NMNAT2: variants seen among roughly 807,000 people sequenced by gnomAD.
The protein encoded by NMNAT2 is nicotinamide nucleotide adenylyltransferase 2.
In NMNAT2, 11 loss-of-function variants were observed where a neutral mutation model predicts 41.6. That is an observed-to-expected ratio of 0.26 (90% CI 0.17 to 0.44). The LOEUF (loss-of-function observed/expected upper bound fraction) is 0.44, where lower values mean the gene tolerates loss of function less well. Ranked by LOEUF, NMNAT2 falls within the 20% of genes least tolerant of loss-of-function variation. NMNAT2 has a pLI of 1.00. For synonymous variants in NMNAT2, 148 were observed against 151.2 expected, an observed-to-expected ratio of 0.98 and a Z score of 0.16; for missense variants, 288 against 407.7, an observed-to-expected ratio of 0.71 and a Z score of 2.53.
intron 1 of NMNAT2, among the ~76,000 whole-genome samples, chr1:183,398,764 A>G (rs185936639): frequency 0.013 from 1,982 of 152,306 alleles, 45 homozygotes; most frequent in African/African-American, 0.044. Context: ...AACTCACTCA[A>G]AACTGCTCAA....
At chr1:183,257,227 G>A (rs1660539673) in intron 10 of NMNAT2, among the ~76,000 whole-genome samples, 1 of 152,038 alleles carries the variant, frequency 6.6e-6, no homozygotes, top group Admixed American at 6.5e-5. Flanking sequence ...TGGATCACAA[G>A]CTCAGGAGTT....
At chr1:183,400,352 A>C (rs1648774434) in intron 1 of NMNAT2, among the ~76,000 whole-genome samples, 1 of 152,210 alleles carries the variant, frequency 6.6e-6, no homozygotes, top group African/African-American at 2.4e-5. Context: ...AATCCAACTT[A>C]CAAGGGACGT....
intron 1 of NMNAT2, among the ~76,000 whole-genome samples, chr1:183,334,738 G>A (rs1272842167): frequency 6.6e-6 from 1 of 151,796 alleles, no homozygotes; most frequent in African/African-American, 2.4e-5. Context: ...TCGAACTCCT[G>A]ACCTCAAGTG....
intron 1 of NMNAT2, among the ~76,000 whole-genome samples, chr1:183,396,711 G>C (rs147139406): frequency 6.6e-6 from 1 of 152,092 alleles, no homozygotes; most frequent in African/African-American, 2.4e-5. Context: ...CTGCACATTT[G>C]ATCTCTCAAG....
chr1:183,328,311 G>A (rs1329797140), intron 1 of NMNAT2, among the ~76,000 whole-genome samples: 1 of 152,180 alleles, frequency 6.6e-6, no homozygotes, highest in Non-Finnish European at 1.5e-5. Flanking sequence ...GATTGTTTTG[G>A]ACAGTCTGAA....
intron 1 of NMNAT2, among the ~76,000 whole-genome samples, chr1:183,324,875 A>G (rs539299761): frequency 6.6e-6 from 1 of 152,124 alleles, no homozygotes; most frequent in Admixed American, 6.5e-5. Flanking sequence ...CTTCATCACC[A>G]TTACATGCCT....
intron 1 of NMNAT2, among the ~76,000 whole-genome samples, chr1:183,375,698 C>T (rs997636729): frequency 2.6e-5 from 4 of 152,196 alleles, no homozygotes; most frequent in African/African-American, 9.7e-5. Context: ...GTTTCTTATA[C>T]CTTGGTGGCA....
chr1:183,340,425 C>A (rs1662771751), intron 1 of NMNAT2, among the ~76,000 whole-genome samples: 1 of 150,922 alleles, frequency 6.6e-6, no homozygotes, highest in African/African-American at 2.4e-5. Flanking sequence ...TGGGTTCAAG[C>A]AATTCTCCTG....
chr1:183,315,653 G>A (rs1347017845), intron 1 of NMNAT2, among the ~76,000 whole-genome samples: 3 of 151,898 alleles, frequency 2.0e-5, no homozygotes, highest in Non-Finnish European at 2.9e-5. Flanking sequence ...ATGGTCGTGG[G>A]CACCTATAAT....
intron 1 of NMNAT2, among the ~76,000 whole-genome samples, chr1:183,416,660 C>T (rs1402758351): frequency 6.6e-6 from 1 of 152,206 alleles, no homozygotes; most frequent in African/African-American, 2.4e-5. Context: ...GGCTATCTCT[C>T]AGCCTCCCTC....
At chr1:183,277,663 C>T (rs548958516) in intron 8 of NMNAT2, among the ~76,000 whole-genome samples, 1 of 152,200 alleles carries the variant, frequency 6.6e-6, no homozygotes, top group East Asian at 1.9e-4. Flanking sequence ...TGTACACGAA[C>T]ATATTTCATA....
At chr1:183,280,929 A>G (rs1046275837) in intron 7 of NMNAT2, among the ~76,000 whole-genome samples, 4 of 149,888 alleles carry the variant, frequency 2.7e-5, no homozygotes, top group African/African-American at 4.9e-5. Context: ...GGGATTACAG[A>G]CATGTGCCAC....
At chr1:183,269,273 T>C (rs1017528783) in intron 8 of NMNAT2, among the ~76,000 whole-genome samples, 1 of 152,182 alleles carries the variant, frequency 6.6e-6, no homozygotes, top group Middle Eastern at 3.2e-3. Flanking sequence ...TAGGCGGGAC[T>C]AGGACACACT....
At chr1:183,313,351 A>G (rs866259746) in intron 1 of NMNAT2, among the ~76,000 whole-genome samples, 3 of 152,232 alleles carry the variant, frequency 2.0e-5, no homozygotes, top group African/African-American at 7.2e-5. Context: ...TATTTGGTCA[A>G]CCAGCTGGAC....
chr1:183,284,960 A>G (rs1446259650), intron 5 of NMNAT2, among the ~76,000 whole-genome samples, 170 bp from the exon 6 acceptor site: 3 of 152,188 alleles, frequency 2.0e-5, no homozygotes, highest in Non-Finnish European at 4.4e-5. Flanking sequence ...GAAATATGAC[A>G]GCACAAATTC....
At chr1:183,387,011 T>C (rs1037198037) in intron 1 of NMNAT2, among the ~76,000 whole-genome samples, 3 of 152,014 alleles carry the variant, frequency 2.0e-5, no homozygotes, top group African/African-American at 7.2e-5. Context: ...GAGAAATTGA[T>C]GTTGAAAATG....
intron 1 of NMNAT2, among the ~76,000 whole-genome samples, chr1:183,315,787 A>G (rs948895150): frequency 6.6e-6 from 1 of 151,584 alleles, no homozygotes; most frequent in African/African-American, 2.4e-5. Context: ...GTAAAAAAAA[A>G]AAAAAAAAGC....
chr1:183,346,863 C>T (rs1031716620), intron 1 of NMNAT2, among the ~76,000 whole-genome samples: 4 of 152,054 alleles, frequency 2.6e-5, no homozygotes, highest in African/African-American at 9.7e-5. Context: ...GCCTGAACAG[C>T]CCTACACCCC....
At chr1:183,375,115 C>A (rs1274337183) in intron 1 of NMNAT2, among the ~76,000 whole-genome samples, 2 of 152,172 alleles carry the variant, frequency 1.3e-5, no homozygotes, top group African/African-American at 2.4e-5. Flanking sequence ...CTAACTCATG[C>A]CCCTACCCCC....
Sources: gnomAD v4.1 joint callset for allele counts (sites outside exome capture counted in the v4.1 genomes callset) on GRCh38, gnomAD v4.1.1 for gene constraint, MANE v1.5 for transcripts, NCBI Gene and HGNC (gene_info 2026-07-23, HGNC 2026-07-21) for gene names.